The following TMEM143 variants were observed in gnomAD, a reference collection of about 807,000 sequenced individuals.
The protein encoded by TMEM143 is transmembrane protein 143.
In TMEM143, 45 loss-of-function variants were observed where a neutral mutation model predicts 40.3. That is an observed-to-expected ratio of 1.12 (90% CI 0.88 to 1.43). The LOEUF (loss-of-function observed/expected upper bound fraction) is 1.43. Among genes scored for constraint, TMEM143 ranks in the 40% most tolerant of loss-of-function variants. TMEM143 has a pLI of 0.00. For synonymous variants in TMEM143, 299 were observed against 282.7 expected (o/e 1.06, Z -0.58); for missense variants, 620 against 613.4 (o/e 1.01, Z -0.11).
In TMEM143 at chr19:48,333,354, A is replaced by T. The variant is rs576734051; in HGVS notation, c.1245T>A (p.Thr415=). 3.7e-5 allele frequency: 60 copies of T among 1,609,854 alleles called. 2 individuals are homozygous for T. In the South Asian group the frequency reaches 6.5e-4, roughly 17 times the overall value. ...GGGCCTGCAGATGCGCCAGGGCCCGAGTTCCGTTGAAGGTCACCTCACAGC... is the reference window on the plus strand; with the variant it reads ...GGGCCTGCAGATGCGCCAGGGCCCGTGTTCCGTTGAAGGTCACCTCACAGC... ...KSGCEVTFNG[T]RALAHLQALT... The change falls in exon 8 of 8, where the codon ACT becomes ACA. Residue 415 remains threonine, a synonymous_variant. Transcript: ENST00000293261. The surrounding 1 kb of genome is among the most constrained non-coding windows in gnomAD (Gnocchi z 4.1).
rs906641018 is a variant in TMEM143 at position 48,360,081 on chromosome 19, G to A, written c.360C>T (p.Ala120=). 6.2e-7 allele frequency: 1 copy of A among 1,614,056 alleles called. No homozygotes were observed. The highest frequency in any genetic ancestry group is 8.5e-7 in the Non-Finnish European group (1 of 1,179,998). ...AGGGCCCCGTCCTCACCTGCAGCCG[G>A]GCCAGGATTTGGTGGTAGTGGAACA... ...CTLFHYHQIL[A]RLQALYDPIN... is the part of the protein sequence containing the mutation. Residue 120 remains alanine, a synonymous_variant, in exon 3 of 8, where the codon GCC becomes GCT. Transcript: ENST00000293261.
At chr19:48,342,863 G>C in intron 5 of TMEM143, 54 bp from the exon 6 acceptor site, 1 of 1,535,104 alleles carries the variant, frequency 6.5e-7, no homozygotes, top group Non-Finnish European at 8.8e-7. Flanking sequence ...TGCCCGGGGA[G>C]CCCCCTCCAA....
intron 3 of TMEM143, among the ~76,000 whole-genome samples, chr19:48,345,839 C>A (rs1380866357): frequency 6.6e-6 from 1 of 151,534 alleles, no homozygotes; most frequent in Admixed American, 6.6e-5. Context: ...GGCTGGAGTG[C>A]AGTGGCACAA....
intron 6 of TMEM143, among the ~76,000 whole-genome samples, chr19:48,336,266 C>A (rs1439323030): frequency 3.3e-5 from 5 of 152,014 alleles, no homozygotes; most frequent in Non-Finnish European, 5.9e-5. Flanking sequence ...GCCTGTAATT[C>A]TAGCACTTTG....
chr19:48,359,597 C>T (rs1191320350), intron 3 of TMEM143, among the ~76,000 whole-genome samples: 2 of 151,066 alleles, frequency 1.3e-5, no homozygotes, highest in East Asian at 3.9e-4. Context: ...AGCTCCGCCT[C>T]CCGGGTTCAT....
At chr19:48,354,807 C>T (rs1451111559) in intron 3 of TMEM143, among the ~76,000 whole-genome samples, 2 of 152,032 alleles carry the variant, frequency 1.3e-5, no homozygotes, top group African/African-American at 2.4e-5. Flanking sequence ...TTGTTTGAAC[C>T]GAGGCTATGC....
At position 48,363,514 on chromosome 19, in the gene TMEM143, A is replaced by T. The variant is rs1339012223; in HGVS notation, c.41T>A (p.Leu14Gln). ...CCCCCGGGTCACATGCAGCATGGCTAGACCCTTTCCCCGGAGCCTAAACAG... is the reference window on the plus strand; with the variant it reads ...CCCCCGGGTCACATGCAGCATGGCTTGACCCTTTCCCCGGAGCCTAAACAG... ...ELWLRLRGKG[L>Q]AMLHVTRGVW... The change falls in exon 2 of 8, where the codon CTA becomes CAA. Residue 14 changes from leucine (L) to glutamine (Q), a missense_variant. Transcript: ENST00000293261. 1 of 1,611,388 alleles carries T rather than the reference A, an allele frequency of 6.2e-7. No individual in the cohort carries two copies. Among genetic ancestry groups the T allele is most frequent in the African/African-American group, 1.3e-5 (1 of 74,852 alleles).
chr19:48,338,152 C>T (rs1174649526), intron 6 of TMEM143, among the ~76,000 whole-genome samples: 1 of 152,146 alleles, frequency 6.6e-6, no homozygotes. Flanking sequence ...CCTTGCTCCC[C>T]CTTCGCCAAC....
At chr19:48,341,640 C>A (rs929496636) in intron 6 of TMEM143, among the ~76,000 whole-genome samples, 3 of 152,180 alleles carry the variant, frequency 2.0e-5, no homozygotes, top group Non-Finnish European at 4.4e-5. Flanking sequence ...ATTTAATCCC[C>A]ACAACACCTC....
chr19:48,342,643 A>G lies in TMEM143; in HGVS notation c.862T>C (p.Ser288Pro), dbSNP rs749646190. The part of the protein sequence containing the change: ...RALLNLMLVV[S>P]GVAIFVNVGM... ...ACGTTGACGAAGATCGCCACGCCGG[A>G]GACTACCAGCATGAGGTTGAGCAGG... Residue 288 changes from serine (S) to proline (P), a missense_variant, in exon 6 of 8, where the codon TCC becomes CCC. Transcript: ENST00000293261. The G allele has an allele frequency of 6.2e-7, 1 of 1,614,048 alleles. No individual in the cohort carries two copies. The highest frequency in any genetic ancestry group is 1.1e-5 in the South Asian group (1 of 91,088).
rs1195632087 is a variant in TMEM143, at chr19:48,363,541, G to C, written c.24-10C>G. On this transcript the variant is annotated splice_polypyrimidine_tract_variant and intron_variant, in intron 1 of 7. Transcript: ENST00000293261. ...ACCCTTTCCCCGGAGCCTAAACAGA[G>C]GAAAATGGGCAGGGGTCAAAGGCCA... 6.3e-7 allele frequency: 1 copy of C among 1,592,096 alleles called. No individual in the cohort carries two copies. Among genetic ancestry groups the C allele is most frequent in the African/African-American group, 1.4e-5 (1 of 73,968 alleles).
In TMEM143 at chr19:48,360,169, T is replaced by C. The variant is rs752650842; in HGVS notation, c.272A>G (p.His91Arg). Residue 91 changes from histidine (H) to arginine (R), a missense_variant, in exon 3 of 8, where the codon CAC becomes CGC. Transcript: ENST00000293261. ...AGCCGCCTTCTCTGCCGGACTCGAG[T>C]GGAATTCCTGTTACCTCAGGAAGCA... ...QLLRLLIQEFHSSPAEKAALE... is the reference protein window; with the variant it reads ...QLLRLLIQEFRSSPAEKAALE... The C allele has an allele frequency of 6.2e-7, 1 of 1,613,844 alleles. No homozygotes were observed. The highest frequency in any genetic ancestry group is 1.3e-5 in the African/African-American group (1 of 74,882).
chr19:48,363,805 A>G (rs921768414), intron 1 of TMEM143, 93 bp downstream of exon 1: 4 of 1,585,536 alleles, frequency 2.5e-6, no homozygotes, highest in Non-Finnish European at 3.5e-6. Flanking sequence ...ACAGCGAGGT[A>G]GATCTTAGGA....
Position 48,343,303 on chromosome 19 carries a change from G to T in TMEM143, c.695+18C>A. The T allele has an allele frequency of 6.2e-7, 1 of 1,607,046 alleles. No homozygotes were observed. The highest frequency in any genetic ancestry group is 1.3e-5 in the African/African-American group (1 of 74,890). The stretch of plus-strand genomic sequence containing the variant: ...CTTGCTCCCTCTTGCTGCAGCTGGG[G>T]AACAAGGGCCGCCTCACCTCTCCGC... On this transcript the variant is annotated intron_variant, in intron 5 of 7. Coordinates refer to ENST00000293261, the MANE Select transcript of TMEM143 (RefSeq NM_018273.4).
In TMEM143 at chr19:48,332,747, T is replaced by C. The variant is rs1308757591; in HGVS notation, c.*472A>G. 1 of 153,538 alleles carries C rather than the reference T, an allele frequency of 6.5e-6. No homozygotes were observed. The highest frequency in any genetic ancestry group is 1.5e-5 in the Non-Finnish European group (1 of 68,950). 9.5% of individuals were successfully genotyped at this position (153,538 alleles called of 1,614,324 possible). A position where few individuals can be genotyped will look rare whatever the true frequency, so the allele number is the denominator to read the frequency against. On this transcript the variant is annotated 3_prime_UTR_variant, in exon 8 of 8. Coordinates refer to ENST00000293261, the MANE Select transcript of TMEM143 (RefSeq NM_018273.4). ...CAAAGTTGATGGAACCCAGCAGCTG[T>C]CACTGGACGTTTGCCAGGAGGCAGG...
At chr19:48,336,449 C>T (rs1269296788) in intron 6 of TMEM143, among the ~76,000 whole-genome samples, 4 of 151,646 alleles carry the variant, frequency 2.6e-5, no homozygotes, top group East Asian at 1.9e-4. Flanking sequence ...CGCTTGAGCC[C>T]GGGAAGTGGA....
At chr19:48,363,703 T>C in intron 1 of TMEM143, 172 bp from the exon 2 acceptor site, 10 of 1,367,552 alleles carry the variant, frequency 7.3e-6, no homozygotes, top group Non-Finnish European at 8.9e-6. Flanking sequence ...TCAGTTGGCC[T>C]GGGTCCCAGA....
chr19:48,355,469 C>A (rs1174735189), intron 3 of TMEM143, among the ~76,000 whole-genome samples: 1 of 152,204 alleles, frequency 6.6e-6, no homozygotes, highest in East Asian at 1.9e-4. Context: ...ATCCTGGGCA[C>A]AACCCGGGCC....
At chr19:48,351,875 C>T (rs1233033629) in intron 3 of TMEM143, among the ~76,000 whole-genome samples, 1 of 152,074 alleles carries the variant, frequency 6.6e-6, no homozygotes, top group Admixed American at 6.6e-5. Context: ...ACAGTCATCC[C>T]TTGGTATCCA....
Sources: gnomAD v4.1 joint callset for allele counts (sites outside exome capture counted in the v4.1 genomes callset) on GRCh38, gnomAD v4.1.1 for gene constraint, Gnocchi (gnomAD v3.1) non-coding constraint, MANE v1.5 for transcripts, NCBI Gene and HGNC (gene_info 2026-07-23, HGNC 2026-07-21) for gene names.